The following ADAM22 variants were observed in gnomAD, a reference collection of about 807,000 sequenced individuals.
ADAM22 encodes disintegrin and metalloproteinase domain-containing protein 22.
Under a neutral mutation model 144.6 loss-of-function variants are expected in ADAM22, and 65 were observed. That is an observed-to-expected ratio of 0.45 (90% CI 0.37 to 0.55). The LOEUF is 0.55. Among genes scored for constraint, ADAM22 ranks in the 20% least tolerant of loss-of-function variants. The pLI is 0.00. For synonymous variants in ADAM22, 391 were observed against 412.6 expected (o/e 0.95, Z 0.63); for missense variants, 974 against 1,184.9 (o/e 0.82, Z 2.61).
At chr7:87,978,225 G>T in intron 2 of ADAM22, 111 bp from the exon 3 acceptor site, 1 of 839,516 alleles carries the variant, frequency 1.2e-6, no homozygotes. Flanking sequence ...TCTCCATGTT[G>T]AATTATTTTC....
intron 5 of ADAM22, among the ~76,000 whole-genome samples, chr7:88,108,621 C>T (rs946592010): frequency 2.0e-5 from 3 of 151,598 alleles, no homozygotes; most frequent in Non-Finnish European, 4.4e-5. Context: ...CCCAGCTACT[C>T]GGGAGGCTGA....
At position 88,149,037 on chromosome 7, in the gene ADAM22, T is replaced by G. The variant is rs770525529; in HGVS notation, c.1546T>G (p.Cys516Gly). Residue 516 changes from cysteine (C) to glycine (G), a missense_variant, in exon 18 of 32, where the codon TGC becomes GGC. This residue lies in a region of ADAM22 where 734 missense variants were observed against 950.6 expected (regional missense o/e 0.77). Coordinates refer to ENST00000413139, the MANE Select transcript of ADAM22 (RefSeq NM_001324418.2). ...AVNDCDIRET[C>G]SGNSSQCAPN... ...AAATGATTGTGATATTCGTGAAACG[T>G]GCTCAGGAAATTCAAGCCAGGTAAT... 2.5e-6 allele frequency: 4 copies of G among 1,612,294 alleles called. No individual in the cohort carries two copies. Among genetic ancestry groups the G allele is most frequent in the Non-Finnish European group, 3.4e-6 (4 of 1,178,782 alleles).
At chr7:88,142,974 C>G in intron 14 of ADAM22, 52 bp from the exon 15 acceptor site, 2 of 1,158,572 alleles carry the variant, frequency 1.7e-6, no homozygotes, top group Non-Finnish European at 2.6e-6. Context: ...CAGACATTCA[C>G]AAATGAGAAA....
At chr7:88,042,079 T>G (rs966445321) in intron 3 of ADAM22, among the ~76,000 whole-genome samples, 3 of 152,060 alleles carry the variant, frequency 2.0e-5, no homozygotes, top group Admixed American at 1.3e-4. Context: ...TTGAGTCATA[T>G]CTATACTGTA....
chr7:88,116,429 C>T (rs1248801722), intron 6 of ADAM22, among the ~76,000 whole-genome samples: 1 of 152,070 alleles, frequency 6.6e-6, no homozygotes, highest in Non-Finnish European at 1.5e-5. Context: ...TGAAAGGAAT[C>T]AGTAATAAAA....
intron 15 of ADAM22, among the ~76,000 whole-genome samples, chr7:88,143,966 C>A (rs1302828648): frequency 6.6e-5 from 10 of 152,108 alleles, no homozygotes; most frequent in Non-Finnish European, 1.5e-5. Context: ...GTCTTTTTAC[C>A]AAAATAATTG....
intron 30 of ADAM22, among the ~76,000 whole-genome samples, chr7:88,187,648 T>C (rs975781699): frequency 2.6e-5 from 4 of 152,200 alleles, no homozygotes; most frequent in Admixed American, 2.6e-4. Flanking sequence ...TACTACCTCT[T>C]CTGAACACAA....
intron 22 of ADAM22, among the ~76,000 whole-genome samples, chr7:88,159,219 C>T (rs1171456000): frequency 6.6e-6 from 1 of 151,966 alleles, no homozygotes; most frequent in Non-Finnish European, 1.5e-5. Flanking sequence ...AAATTGATTT[C>T]CTGAACAGAC....
chr7:88,163,590 T>A (rs1415752749), intron 23 of ADAM22, among the ~76,000 whole-genome samples: 17 of 152,094 alleles, frequency 1.1e-4, no homozygotes, highest in Non-Finnish European at 2.2e-4. Context: ...ACTTGTCAGA[T>A]TGTACACACT....
rs2129489859 is a variant in ADAM22, at chr7:88,115,087, A to G, written c.537+440A>G. 2.0e-5 allele frequency among the ~76,000 whole-genome samples: 3 copies of G among 152,270 alleles called. No homozygotes were observed. In the East Asian group the frequency reaches 5.8e-4, roughly 29 times the overall value. ...TTGGTGAAACCCCGTCTCTACTAAAATACAAAAATTAGCCAGGTGTGGTGG... is the reference window on the plus strand; with the variant it reads ...TTGGTGAAACCCCGTCTCTACTAAAGTACAAAAATTAGCCAGGTGTGGTGG... On this transcript the variant is annotated intron_variant, in intron 6 of 31. Coordinates refer to ENST00000413139, the MANE Select transcript of ADAM22 (RefSeq NM_001324418.2).
intron 26 of ADAM22, among the ~76,000 whole-genome samples, chr7:88,177,618 T>C (rs188690546): frequency 3.8e-4 from 58 of 152,304 alleles, no homozygotes; most frequent in Non-Finnish European, 2.8e-4. Flanking sequence ...ATGTGCTTCA[T>C]ACTAACTGAA....
At chr7:87,987,613 G>A (rs1350226800) in intron 3 of ADAM22, among the ~76,000 whole-genome samples, 1 of 152,194 alleles carries the variant, frequency 6.6e-6, no homozygotes, top group Non-Finnish European at 1.5e-5. Flanking sequence ...TGATATGGCT[G>A]TTAAACTATT....
At chr7:88,059,230 C>T (rs575723801) in intron 3 of ADAM22, among the ~76,000 whole-genome samples, 7 of 152,274 alleles carry the variant, frequency 4.6e-5, no homozygotes, top group African/African-American at 9.6e-5. Context: ...CCTCTAGAGA[C>T]GCCCACCCAT....
chr7:88,123,634 T>C (rs1429589463), intron 7 of ADAM22, among the ~76,000 whole-genome samples: 1 of 151,948 alleles, frequency 6.6e-6, no homozygotes, highest in African/African-American at 2.4e-5. Context: ...CTCACTTTTT[T>C]CTATTTGATT....
intron 2 of ADAM22, among the ~76,000 whole-genome samples, chr7:87,943,949 CTT>C (rs34466990): frequency 0.12 from 18,937 of 152,028 alleles, 1,246 homozygotes; most frequent in Admixed American, 0.16. Context: ...TTAGATAACT[CTT>C]TGAAGATGAG....
chr7:88,147,310 A>G (rs567240073), intron 17 of ADAM22, among the ~76,000 whole-genome samples: 1 of 152,348 alleles, frequency 6.6e-6, no homozygotes, highest in East Asian at 1.9e-4. Flanking sequence ...GAGGGAGAAT[A>G]GAAGAAAAAG....
At chr7:88,133,993 A>AT (rs1475553520) in intron 12 of ADAM22, among the ~76,000 whole-genome samples, 2 of 152,204 alleles carry the variant, frequency 1.3e-5, no homozygotes, top group Admixed American at 6.5e-5. Flanking sequence ...TTTATTTTGT[A>AT]TTATCCAAAA....
intron 7 of ADAM22, among the ~76,000 whole-genome samples, chr7:88,118,298 C>T (rs1828320116): frequency 6.6e-6 from 1 of 152,168 alleles, no homozygotes. Flanking sequence ...TCCTTGTCCT[C>T]CTGTAATTTT....
At chr7:88,082,968 C>G (rs1817260067) in intron 4 of ADAM22, among the ~76,000 whole-genome samples, 1 of 152,154 alleles carries the variant, frequency 6.6e-6, no homozygotes, top group Admixed American at 6.5e-5. Flanking sequence ...TGCCATTTGA[C>G]CCAGCCATCC....
Sources: gnomAD v4.1 joint callset for allele counts (sites outside exome capture counted in the v4.1 genomes callset) on GRCh38, gnomAD v4.1.1 for gene constraint, gnomAD v4.1.1 regional missense constraint, MANE v1.5 for transcripts, NCBI Gene and HGNC (gene_info 2026-07-23, HGNC 2026-07-21) for gene names.